STK32A: variants seen among roughly 807,000 people sequenced by gnomAD.
The protein encoded by STK32A is serine/threonine-protein kinase 32A.
A neutral mutation model predicts 53.2 loss-of-function variants in STK32A; 41 were observed. That is an observed-to-expected ratio of 0.77 (90% CI 0.60 to 1.00). STK32A has a LOEUF of 1.00. STK32A is among the 50% of genes least tolerant of loss of function. STK32A has a pLI of 0.00. For synonymous variants in STK32A, 166 were observed against 162.8 expected, an observed-to-expected ratio of 1.02 and a Z score of -0.15; for missense variants, 458 against 485.8, an observed-to-expected ratio of 0.94 and a Z score of 0.54.
chr5:147,260,168 TCTCTCTCTCTC>T (rs756685009), intron 2 of STK32A, among the ~76,000 whole-genome samples: 7,660 of 41,596 alleles, frequency 0.18, 482 homozygotes, highest in Admixed American at 0.27. Context: ...TCTCTGTCTC[TCTCTCTCTCTC>T]CTCTCTCTCT....
chr5:147,369,515 C>A (rs1408271432), intron 8 of STK32A, among the ~76,000 whole-genome samples: 1 of 152,168 alleles, frequency 6.6e-6, no homozygotes, highest in Non-Finnish European at 1.5e-5. Flanking sequence ...TTCCAGCAAT[C>A]TCATGAGGTA....
At chr5:147,255,670 T>C (rs1177763498) in intron 2 of STK32A, among the ~76,000 whole-genome samples, 1 of 152,220 alleles carries the variant, frequency 6.6e-6, no homozygotes, top group African/African-American at 2.4e-5. Flanking sequence ...CCCCTCTTTC[T>C]GCTACTATCA....
intron 5 of STK32A, among the ~76,000 whole-genome samples, chr5:147,339,010 G>A (rs1002927410): frequency 2.6e-5 from 4 of 152,204 alleles, no homozygotes; most frequent in Non-Finnish European, 5.9e-5. Flanking sequence ...ATTTTCTGAG[G>A]AGAAATTCAA....
chr5:147,342,894 A>C, intron 5 of STK32A, 112 bp from the exon 6 acceptor site: 1 of 845,204 alleles, frequency 1.2e-6, no homozygotes, highest in Non-Finnish European at 1.9e-6. Context: ...AGTATTGAGA[A>C]GCTAGTACAC....
chr5:147,283,783 G>A (rs574697667), intron 4 of STK32A, among the ~76,000 whole-genome samples: 9 of 152,096 alleles, frequency 5.9e-5, no homozygotes, highest in African/African-American at 1.7e-4. Context: ...AGCAAGCAGC[G>A]AGATTGAAAC....
intron 10 of STK32A, 95 bp downstream of exon 10, chr5:147,373,389 GTGT>G: frequency 1.3e-6 from 2 of 1,509,588 alleles, no homozygotes; most frequent in Non-Finnish European, 1.8e-6. Context: ...AATCACACCA[GTGT>G]TGTTAAGAGA....
chr5:147,364,019 C>T (rs1034852797), intron 8 of STK32A, among the ~76,000 whole-genome samples: 3 of 151,942 alleles, frequency 2.0e-5, no homozygotes, highest in African/African-American at 7.3e-5. Context: ...AATTCGAGTC[C>T]AACCTGATCA....
the STK32A span, chr5:147,399,282 T>A: frequency 6.2e-7 from 1 of 1,607,232 alleles, no homozygotes; most frequent in East Asian, 2.2e-5. Flanking sequence ...TATATCTATA[T>A]CTATAGCTAC....
intron 2 of STK32A, among the ~76,000 whole-genome samples, chr5:147,275,337 T>A (rs1038303847): frequency 4.0e-5 from 5 of 126,078 alleles, no homozygotes; most frequent in African/African-American, 1.6e-4. Flanking sequence ...CAGTCACTTT[T>A]TTTTTTTTGA....
At chr5:147,278,074 T>C in intron 2 of STK32A, 50 bp from the exon 3 acceptor site, 1 of 1,458,290 alleles carries the variant, frequency 6.9e-7, no homozygotes, top group Non-Finnish European at 9.4e-7. Flanking sequence ...TATTAGCTAC[T>C]AAAGAGAAAT....
At chr5:147,257,220 C>A (rs1754274152) in intron 2 of STK32A, among the ~76,000 whole-genome samples, 3 of 148,022 alleles carry the variant, frequency 2.0e-5, no homozygotes, top group Non-Finnish European at 4.5e-5. Flanking sequence ...AACATTGGAC[C>A]AACTACAGCA....
chr5:147,292,703 A>G (rs1247456115), intron 4 of STK32A, among the ~76,000 whole-genome samples: 1 of 152,076 alleles, frequency 6.6e-6, no homozygotes, highest in Non-Finnish European at 1.5e-5. Context: ...ACCCTCTAAA[A>G]ATACAAAATT....
intron 4 of STK32A, among the ~76,000 whole-genome samples, chr5:147,321,382 T>C (rs1334731712): frequency 1.3e-5 from 2 of 152,204 alleles, no homozygotes; most frequent in Non-Finnish European, 2.9e-5. Context: ...ATATTTATCT[T>C]CTCTCCCTCT....
chr5:147,258,923 T>A (rs1754362243), intron 2 of STK32A, among the ~76,000 whole-genome samples: 1 of 139,974 alleles, frequency 7.1e-6, no homozygotes, highest in Non-Finnish European at 1.5e-5. Context: ...GGCTTTTTTT[T>A]ATTATTATTA....
chr5:147,344,271 G>C (rs1755577985), intron 6 of STK32A, among the ~76,000 whole-genome samples: 1 of 152,082 alleles, frequency 6.6e-6, no homozygotes, highest in Admixed American at 6.6e-5. Flanking sequence ...GTGCTCAGGG[G>C]GCTAAGAAAC....
chr5:147,401,714 C>G, the STK32A span: 1 of 1,613,812 alleles, frequency 6.2e-7, no homozygotes. Context: ...GGGCAGGAAA[C>G]AGACAAGGGG....
intron 5 of STK32A, 44 bp from the exon 6 acceptor site, chr5:147,342,962 C>T (rs777066336): frequency 9.6e-5 from 154 of 1,604,712 alleles, no homozygotes; most frequent in East Asian, 2.9e-4. Flanking sequence ...TAGTTCTGTT[C>T]GTTTTATTGT....
intron 5 of STK32A, among the ~76,000 whole-genome samples, chr5:147,327,275 C>T (rs1268777780): frequency 6.6e-6 from 1 of 152,110 alleles, no homozygotes; most frequent in Non-Finnish European, 1.5e-5. Context: ...CTTTTTTAAA[C>T]CTCCTTCTTC....
intron 4 of STK32A, among the ~76,000 whole-genome samples, chr5:147,323,041 C>T (rs1754394202): frequency 6.6e-6 from 1 of 152,184 alleles, no homozygotes; most frequent in Admixed American, 6.5e-5. Context: ...TCTGTGCTTG[C>T]ATGCATCCTA....
Sources: gnomAD v4.1 joint callset for allele counts (sites outside exome capture counted in the v4.1 genomes callset) on GRCh38, gnomAD v4.1.1 for gene constraint, MANE v1.5 for transcripts, NCBI Gene and HGNC (gene_info 2026-07-23, HGNC 2026-07-21) for gene names.